SESTD1: variants seen among roughly 807,000 people sequenced by gnomAD.
SESTD1 encodes the protein SEC14 domain and spectrin repeat-containing protein 1.
In SESTD1, 43 loss-of-function variants were observed where a neutral mutation model predicts 101.7. The ratio of observed to expected loss-of-function variants is 0.42; its 90% CI spans 0.33 to 0.55. The LOEUF (loss-of-function observed/expected upper bound fraction) is 0.55. Ranked by LOEUF, SESTD1 falls within the 20% of genes least tolerant of loss-of-function variation. The pLI is 0.07. For synonymous variants in SESTD1, 283 were observed against 286.8 expected (o/e 0.99, Z 0.13); for missense variants, 647 against 815.1 (o/e 0.79, Z 2.51).
rs10192426 is a variant in SESTD1 at position 179,101,818 on chromosome 2, A to G, written c.*8081T>C. On this transcript the variant is annotated 3_prime_UTR_variant, in exon 18 of 18. Coordinates refer to ENST00000428443, the MANE Select transcript of SESTD1 (RefSeq NM_178123.5). ...CCTAGAGATGGATGGATACTCTAAC[A>G]TGTAAAGTAAACATGTCCATTAATA... 68,904 of 152,036 alleles carry G rather than the reference A, an allele frequency of 0.45. 18,427 individuals carry two copies. Among genetic ancestry groups the G allele is most frequent in the African/African-American group, 0.75 (31,199 of 41,460 alleles). The allele number at this position is 152,036 out of a possible 1,614,324, so 9.4% of individuals were successfully genotyped here. A position where few individuals can be genotyped will look rare whatever the true frequency, so the allele number is the denominator to read the frequency against.
At chr2:179,129,098 C>CA (rs2044950304) in intron 10 of SESTD1, among the ~76,000 whole-genome samples, 1 of 152,216 alleles carries the variant, frequency 6.6e-6, no homozygotes, top group South Asian at 2.1e-4. Flanking sequence ...TGATTATACT[C>CA]AGACTACACA....
intron 1 of SESTD1, among the ~76,000 whole-genome samples, chr2:179,199,464 C>G (rs1382092562): frequency 6.6e-6 from 1 of 152,216 alleles, no homozygotes; most frequent in Non-Finnish European, 1.5e-5. Context: ...ATGAGGCCAG[C>G]ATCATCCTGA....
At position 179,165,599 on chromosome 2, in the gene SESTD1, C is replaced by T. The variant is rs112015040; in HGVS notation, c.369+6521G>A. Among the ~76,000 whole-genome samples, 12 of 152,330 alleles carry T rather than the reference C, an allele frequency of 7.9e-5. 1 individual carries two copies. Among genetic ancestry groups the T allele is most frequent in the African/African-American group, 2.9e-4 (12 of 41,590 alleles). ...CTGGCTGAAGTCTTCACTCACCATG[C>T]TCCTGACTCTTGAAGCAACATTCAG... On this transcript the variant is annotated intron_variant, in intron 5 of 17. Coordinates refer to ENST00000428443, the MANE Select transcript of SESTD1 (RefSeq NM_178123.5).
In SESTD1 at chr2:179,200,907, A is replaced by C. The variant is rs374794925; in HGVS notation, c.-25-9041T>G. On this transcript the variant is annotated intron_variant, in intron 1 of 17. Transcript: ENST00000428443. ...ACACCAAAAGCAATGGCAACAAAAG[A>C]CAAAATTGACAAATGGGATCTAATT... 3.8e-3 allele frequency among the ~76,000 whole-genome samples: 503 copies of C among 133,948 alleles called. 101 individuals are homozygous for C. The highest frequency in any genetic ancestry group is 0.013 in the Middle Eastern group (3 of 238). The allele number at this position is 133,948 out of a possible 152,430, so 87.9% of individuals were successfully genotyped here. A position where few individuals can be genotyped will look rare whatever the true frequency, so the allele number is the denominator to read the frequency against.
Position 179,143,725 on chromosome 2 carries a change from T to A in SESTD1, c.716A>T (p.Asp239Val). The A allele has an allele frequency of 6.2e-7, 1 of 1,614,036 alleles. No homozygotes were observed. Among genetic ancestry groups the A allele is most frequent in the Non-Finnish European group, 8.5e-7 (1 of 1,179,930 alleles). ...AACCTGTGGCTGTGCAAGAAGTTCA[T>A]CATCCATAGGAGACCATGAAACCCC... ...DGGVSWSPMD[D>V]ELLAQPQVMK... The change falls in exon 9 of 18, where the codon GAT (aspartate) becomes GTT (valine). Residue 239 changes from aspartate (D) to valine (V), a missense_variant. Coordinates refer to ENST00000428443, the MANE Select transcript of SESTD1 (RefSeq NM_178123.5).
At chr2:179,263,959 C>G (rs941719744) in intron 1 of SESTD1, 5 of 152,280 alleles carry the variant, frequency 3.3e-5, no homozygotes, top group Admixed American at 6.5e-5. Flanking sequence ...GGGCCTCGAG[C>G]CCGTGTCCTC....
chr2:179,176,636 G>T, intron 3 of SESTD1, 98 bp from the exon 4 acceptor site: 1 of 842,880 alleles, frequency 1.2e-6, no homozygotes, highest in Non-Finnish European at 1.8e-6. Context: ...CGCATATGGA[G>T]TAGAATTAAT....
chr2:179,171,030 C>T (rs1418028149), intron 5 of SESTD1, among the ~76,000 whole-genome samples: 3 of 152,082 alleles, frequency 2.0e-5, no homozygotes, highest in African/African-American at 7.2e-5. Flanking sequence ...TGAGAAGGGG[C>T]TTGTGAGTAC....
chr2:179,156,740 G>C (rs2045640438), intron 5 of SESTD1, among the ~76,000 whole-genome samples: 1 of 152,104 alleles, frequency 6.6e-6, no homozygotes, highest in Non-Finnish European at 1.5e-5. Context: ...CAGATGTATA[G>C]ATTGTGAAGA....
intron 13 of SESTD1, among the ~76,000 whole-genome samples, chr2:179,120,960 G>A (rs2044736457): frequency 2.0e-5 from 3 of 152,002 alleles, no homozygotes; most frequent in African/African-American, 7.3e-5. Flanking sequence ...GGAGTTAGGA[G>A]TCAGGAGGGT....
At position 179,229,782 on chromosome 2, in the gene SESTD1, T is replaced by TACACACACAC. The variant is rs141203169; in HGVS notation, c.-26+34707_-26+34716dup. On this transcript the variant is annotated intron_variant, in intron 1 of 17. Transcript: ENST00000428443. ...ATATATATATATATATATACTCAAA[T>TACACACACAC]ACACACACACACACACACACACACA... Among the ~76,000 whole-genome samples, 612 of 115,428 alleles carry TACACACACAC rather than the reference T, an allele frequency of 5.3e-3. 6 individuals are homozygous for TACACACACAC. Among genetic ancestry groups the TACACACACAC allele is most frequent in the African/African-American group, 0.012 (391 of 31,922 alleles). 75.7% of individuals were successfully genotyped at this position (115,428 alleles called of 152,430 possible).
chr2:179,219,943 G>T (rs1295684651), intron 1 of SESTD1, among the ~76,000 whole-genome samples: 2 of 152,028 alleles, frequency 1.3e-5, no homozygotes, highest in Non-Finnish European at 2.9e-5. Context: ...TATGAATCAA[G>T]AACTAGTTTA....
intron 12 of SESTD1, among the ~76,000 whole-genome samples, 188 bp downstream of exon 12, chr2:179,123,527 C>T (rs1352566390): frequency 1.3e-5 from 2 of 151,908 alleles, no homozygotes; most frequent in African/African-American, 4.8e-5. Flanking sequence ...GACTAACTAA[C>T]GATGAAAAAT....
chr2:179,149,054 C>G (rs555517833), intron 7 of SESTD1, among the ~76,000 whole-genome samples: 1 of 93,812 alleles, frequency 1.1e-5, no homozygotes, highest in Admixed American at 1.6e-4. Context: ...AGCAAGACTC[C>G]GTCTCAAAAA....
Position 179,132,414 on chromosome 2 carries a change from G to C in SESTD1, c.862C>G (p.Leu288Val). 1.3e-6 allele frequency: 2 copies of C among 1,558,412 alleles called. No homozygotes were observed. Among genetic ancestry groups the C allele is most frequent in the Non-Finnish European group, 1.7e-6 (2 of 1,161,932 alleles). The change falls in exon 10 of 18, where the codon CTA becomes GTA. Residue 288 changes from leucine to valine, a missense_variant. Leu to Val is a conservative substitution (Grantham distance 32, BLOSUM62 1). Coordinates refer to ENST00000428443, the MANE Select transcript of SESTD1 (RefSeq NM_178123.5). ...QQKVMQVVNW[L>V]EGPGSEQLRA... ...AGTTGTTCTGATCCAGGCCCTTCTAGCCAGTTCACCACCTATAAACAAAAG... is the reference window on the plus strand; with the variant it reads ...AGTTGTTCTGATCCAGGCCCTTCTACCCAGTTCACCACCTATAAACAAAAG...
chr2:179,110,978 G>C (rs2044492953), intron 17 of SESTD1, among the ~76,000 whole-genome samples: 2 of 152,122 alleles, frequency 1.3e-5, no homozygotes, highest in South Asian at 4.1e-4. Context: ...ATGACACATG[G>C]ACTATCTGTG....
At chr2:179,133,676 T>C (rs1258469689) in intron 9 of SESTD1, among the ~76,000 whole-genome samples, 2 of 152,192 alleles carry the variant, frequency 1.3e-5, no homozygotes, top group African/African-American at 2.4e-5. Context: ...CATAATATTA[T>C]AGACCCAGTG....
At chr2:179,262,268 G>A (rs1209080121) in intron 1 of SESTD1, among the ~76,000 whole-genome samples, 1 of 152,110 alleles carries the variant, frequency 6.6e-6, no homozygotes. Context: ...AACGTTCTTG[G>A]ATTAGTGCCG....
chr2:179,141,040 T>C (rs1417266195), intron 9 of SESTD1, among the ~76,000 whole-genome samples: 3 of 152,176 alleles, frequency 2.0e-5, no homozygotes, highest in Non-Finnish European at 4.4e-5. Context: ...CTTCGGACAA[T>C]TTTCAATCAC....
Sources: gnomAD v4.1 joint callset for allele counts (sites outside exome capture counted in the v4.1 genomes callset) on GRCh38, gnomAD v4.1.1 for gene constraint, MANE v1.5 for transcripts, NCBI Gene and HGNC (gene_info 2026-07-23, HGNC 2026-07-21) for gene names.